CTIF: variants seen among roughly 807,000 people sequenced by gnomAD.
CTIF encodes CBP80/20-dependent translation initiation factor.
In CTIF, 21 loss-of-function variants were observed where a neutral mutation model predicts 66.0. The ratio of observed to expected loss-of-function variants is 0.32; its 90% CI spans 0.23 to 0.46. The LOEUF (loss-of-function observed/expected upper bound fraction) is 0.46. Ranked by LOEUF, CTIF falls within the 20% of genes least tolerant of loss-of-function variation. CTIF has a pLI of 1.00. For synonymous variants in CTIF, 345 were observed against 326.4 expected, an observed-to-expected ratio of 1.06 and a Z score of -0.62; for missense variants, 739 against 812.7, an observed-to-expected ratio of 0.91 and a Z score of 1.10.
intron 1 of CTIF, among the ~76,000 whole-genome samples, chr18:48,553,658 T>C (rs2088944598): frequency 1.3e-5 from 2 of 149,348 alleles, no homozygotes; most frequent in African/African-American, 5.1e-5. Context: ...TTTTTCTTTT[T>C]CCTTTTTTTT....
intron 3 of CTIF, among the ~76,000 whole-genome samples, chr18:48,639,721 C>T (rs1039479758): frequency 6.6e-6 from 1 of 152,190 alleles, no homozygotes; most frequent in African/African-American, 2.4e-5. Flanking sequence ...CCTGGATGGG[C>T]GTTTGGGGCT....
chr18:48,699,223 G>A (rs1238958094), intron 6 of CTIF, among the ~76,000 whole-genome samples: 1 of 152,210 alleles, frequency 6.6e-6, no homozygotes, highest in Admixed American at 6.5e-5. Context: ...AATCTTCAGG[G>A]CCTTTGAGTA....
intron 1 of CTIF, among the ~76,000 whole-genome samples, chr18:48,596,891 G>A (rs747734099): frequency 1.1e-4 from 16 of 152,164 alleles, no homozygotes; most frequent in Non-Finnish European, 2.1e-4. Context: ...CTCCCCCAGT[G>A]TTATAAGGAT....
intron 1 of CTIF, among the ~76,000 whole-genome samples, chr18:48,595,958 A>C (rs2089980743): frequency 6.6e-6 from 1 of 152,078 alleles, no homozygotes; most frequent in Non-Finnish European, 1.5e-5. Flanking sequence ...AAATCGTGCA[A>C]GCTGAGGAGG....
At chr18:48,821,299 C>T (rs1234328349) in intron 10 of CTIF, among the ~76,000 whole-genome samples, 2 of 152,204 alleles carry the variant, frequency 1.3e-5, no homozygotes, top group Non-Finnish European at 1.5e-5. Flanking sequence ...ACTGCATGGA[C>T]GCCTCCATCT....
At chr18:48,826,006 G>C (rs1288356271) in intron 10 of CTIF, 4 of 152,184 alleles carry the variant, frequency 2.6e-5, no homozygotes, top group African/African-American at 7.2e-5. Context: ...TGGGTGAGGG[G>C]CATAGCCTTA....
chr18:48,778,403 G>T (rs1252978643), intron 9 of CTIF, among the ~76,000 whole-genome samples: 1 of 152,228 alleles, frequency 6.6e-6, no homozygotes, highest in Non-Finnish European at 1.5e-5. Context: ...CTTAGAACAA[G>T]CATTCAATCC....
In CTIF at chr18:48,697,051, A is replaced by G. The variant is rs77936201; in HGVS notation, c.508-14568A>G. On this transcript the variant is annotated intron_variant, in intron 6 of 11. Transcript: ENST00000256413. ...GACATCAAGGATCCTGGCCTCTTGC[A>G]GAGCAAGAGATATTGCCTAGTTAAA... Among the ~76,000 whole-genome samples, 530 of 152,348 alleles carry G rather than the reference A, an allele frequency of 3.5e-3. 4 individuals carry two copies. Among genetic ancestry groups the G allele is most frequent in the African/African-American group, 0.012 (511 of 41,580 alleles).
chr18:48,817,190 G>T, intron 9 of CTIF, 31 bp from the exon 10 acceptor site: 2 of 1,604,640 alleles, frequency 1.2e-6, no homozygotes, highest in Non-Finnish European at 1.7e-6. Flanking sequence ...CCAGCCCCGG[G>T]AGGCTGACGC....
intron 9 of CTIF, among the ~76,000 whole-genome samples, chr18:48,767,644 C>A (rs924907351): frequency 3.9e-5 from 6 of 152,090 alleles, no homozygotes; most frequent in African/African-American, 1.4e-4. Context: ...TCAACCAAGT[C>A]ATAAACACAG....
chr18:48,853,706 C>CA (rs2069260280), intron 10 of CTIF, among the ~76,000 whole-genome samples: 1 of 152,242 alleles, frequency 6.6e-6, no homozygotes, highest in Non-Finnish European at 1.5e-5. Context: ...CTGGAGCCTG[C>CA]ACCCTAGTTT....
At chr18:48,824,705 T>A (rs2068548710) in intron 10 of CTIF, among the ~76,000 whole-genome samples, 2 of 152,044 alleles carry the variant, frequency 1.3e-5, no homozygotes, top group Non-Finnish European at 2.9e-5. Flanking sequence ...TGGTGCAACC[T>A]CTGCCCACTG....
chr18:48,707,012 G>A (rs2092165313), intron 6 of CTIF, among the ~76,000 whole-genome samples: 1 of 152,234 alleles, frequency 6.6e-6, no homozygotes. Context: ...GGCCTGGTGG[G>A]TAGTCCCAGT....
chr18:48,626,359 T>C (rs981397294), intron 2 of CTIF, among the ~76,000 whole-genome samples: 3 of 151,702 alleles, frequency 2.0e-5, no homozygotes, highest in African/African-American at 4.8e-5. Context: ...CTTTTTTTCT[T>C]TTTTTTTGAG....
intron 9 of CTIF, 106 bp from the exon 10 acceptor site, chr18:48,817,115 G>A (rs1405501134): frequency 2.6e-6 from 3 of 1,161,788 alleles, no homozygotes; most frequent in East Asian, 2.5e-5. Context: ...GGGTTTGCCT[G>A]CTGCCCAGGA....
chr18:48,800,305 ACT>A (rs1489787345), intron 9 of CTIF, among the ~76,000 whole-genome samples: 1 of 152,126 alleles, frequency 6.6e-6, no homozygotes, highest in Non-Finnish European at 1.5e-5. Flanking sequence ...ACTGTTTTGT[ACT>A]CTCTGCCAGA....
chr18:48,651,682 C>A (rs557066000), intron 3 of CTIF, among the ~76,000 whole-genome samples: 1 of 152,204 alleles, frequency 6.6e-6, no homozygotes, highest in African/African-American at 2.4e-5. Context: ...AGCACCACAT[C>A]GCACTTATTC....
chr18:48,703,093 T>C (rs989005510), intron 6 of CTIF, among the ~76,000 whole-genome samples: 10 of 152,192 alleles, frequency 6.6e-5, no homozygotes, highest in African/African-American at 2.4e-4. Context: ...ATGATGGGAG[T>C]CTGCAAGTCC....
chr18:48,637,802 G>A (rs1441633896), intron 3 of CTIF, among the ~76,000 whole-genome samples: 2 of 152,088 alleles, frequency 1.3e-5, no homozygotes, highest in African/African-American at 2.4e-5. Flanking sequence ...TAAGAGCCCC[G>A]GGGGTGGGGG....
Sources: gnomAD v4.1 joint callset for allele counts (sites outside exome capture counted in the v4.1 genomes callset) on GRCh38, gnomAD v4.1.1 for gene constraint, MANE v1.5 for transcripts, NCBI Gene and HGNC (gene_info 2026-07-23, HGNC 2026-07-21) for gene names.